KYAT1: variants seen among roughly 807,000 people sequenced by gnomAD.
The protein encoded by KYAT1 is kynurenine--oxoglutarate transaminase 1.
A neutral mutation model predicts 52.4 loss-of-function variants in KYAT1; 47 were observed. The observed-to-expected ratio is 0.90, with a 90% confidence interval of 0.71 to 1.14. The LOEUF (loss-of-function observed/expected upper bound fraction) is 1.14. Ranked by LOEUF, KYAT1 falls within the 50% of genes most tolerant of loss-of-function variation. KYAT1 has a pLI of 0.00. For missense variants in KYAT1, 480 were observed against 557.9 expected, an observed-to-expected ratio of 0.86 and a Z score of 1.41; for synonymous variants, 212 against 209.6, an observed-to-expected ratio of 1.01 and a Z score of -0.10.
chr9:128,866,050 T>C (rs969498559), intron 1 of KYAT1, among the ~76,000 whole-genome samples: 5 of 152,216 alleles, frequency 3.3e-5, no homozygotes, highest in African/African-American at 1.2e-4. Context: ...GCCTGCCATA[T>C]GGTAAGTGTA....
chr9:128,865,552 G>A (rs1588138147), intron 1 of KYAT1, among the ~76,000 whole-genome samples: 1 of 150,272 alleles, frequency 6.7e-6, no homozygotes, highest in Non-Finnish European at 1.5e-5. Context: ...AGTAGAGGTG[G>A]GGTTTCACTA....
chr9:128,850,639 C>T (rs535534871), intron 1 of KYAT1, among the ~76,000 whole-genome samples: 2 of 152,288 alleles, frequency 1.3e-5, no homozygotes, highest in East Asian at 1.9e-4. Flanking sequence ...TGAGAAAGAC[C>T]TGACCGTCCC....
intron 1 of KYAT1, among the ~76,000 whole-genome samples, chr9:128,849,522 G>A (rs564504934): frequency 5.9e-5 from 9 of 151,824 alleles, no homozygotes; most frequent in East Asian, 1.9e-4. Context: ...GGGGCCAGGC[G>A]TGGCAGCTTA....
intron 6 of KYAT1, 58 bp downstream of exon 6, chr9:128,837,627 C>G (rs977324098): frequency 1.3e-6 from 2 of 1,595,008 alleles, no homozygotes; most frequent in Non-Finnish European, 1.7e-6. Flanking sequence ...AACTCAGTAA[C>G]AGTGCAGGAG....
chr9:128,842,734 G>C lies in KYAT1; in HGVS notation c.121C>G (p.Pro41Ala). The change falls in exon 3 of 13, where the codon CCA (proline) becomes GCA (alanine). Residue 41 changes from proline (P) to alanine (A), a missense_variant. Physicochemically the swap from Pro to Ala is conservative, Grantham distance 27 (BLOSUM62 -1). Coordinates refer to ENST00000302586, the MANE Select transcript of KYAT1 (RefSeq NM_004059.5). ...GCTTCCACGGCAAAGTCTGGTGGTG[G>C]GAAATCCGGGAAGCCCTGGCCCAAG... is the stretch of plus-strand genomic sequence containing the variant. ...VNLGQGFPDF[P>A]PPDFAVEAFQ... 3 of 1,614,184 alleles carry C rather than the reference G, an allele frequency of 1.9e-6. No individual in the cohort carries two copies. Among genetic ancestry groups the C allele is most frequent in the Non-Finnish European group, 1.7e-6 (2 of 1,180,024 alleles).
intron 1 of KYAT1, among the ~76,000 whole-genome samples, chr9:128,854,688 AT>A (rs1406865119): frequency 6.6e-6 from 1 of 152,202 alleles, no homozygotes; most frequent in East Asian, 1.9e-4. Context: ...GCTGCAGCTA[AT>A]TATACTTACT....
intron 11 of KYAT1, among the ~76,000 whole-genome samples, chr9:128,834,827 G>A (rs1192870389): frequency 5.8e-5 from 4 of 68,508 alleles, no homozygotes; most frequent in East Asian, 9.5e-4. Context: ...GTGAGACTCT[G>A]TCTCAAAAAA....
At chr9:128,837,937 A>G in intron 5 of KYAT1, 114 bp downstream of exon 5, 2 of 1,485,928 alleles carry the variant, frequency 1.3e-6, no homozygotes, top group Non-Finnish European at 1.9e-6. Context: ...CTGCCCTCCC[A>G]GCTTAGAGGA....
intron 1 of KYAT1, among the ~76,000 whole-genome samples, chr9:128,866,649 C>T (rs541120777): frequency 1.3e-5 from 2 of 150,530 alleles, no homozygotes; most frequent in African/African-American, 4.9e-5. Context: ...GTGGCTCATG[C>T]CTGTAATCCC....
intron 1 of KYAT1, among the ~76,000 whole-genome samples, chr9:128,858,395 TAAAAAAA>T (rs59939090): frequency 1.5e-5 from 1 of 65,108 alleles, no homozygotes; most frequent in East Asian, 5.3e-4. Context: ...AGACCATGTA[TAAAAAAA>T]AAAAAAAAAA....
At chr9:128,874,530 T>C (rs2130822718) in intron 1 of KYAT1, among the ~76,000 whole-genome samples, 1 of 151,800 alleles carries the variant, frequency 6.6e-6, no homozygotes, top group African/African-American at 2.4e-5. Context: ...AGGCTGATGT[T>C]GAACTCCTGG....
intron 1 of KYAT1, among the ~76,000 whole-genome samples, chr9:128,856,419 T>C (rs542145026): frequency 3.2e-4 from 49 of 152,256 alleles, no homozygotes; most frequent in African/African-American, 1.2e-3. Flanking sequence ...CCATAATGAC[T>C]ATGGCGGTTT....
intron 3 of KYAT1, among the ~76,000 whole-genome samples, chr9:128,840,922 C>T (rs1051131873): frequency 6.6e-6 from 1 of 152,174 alleles, no homozygotes; most frequent in Admixed American, 6.5e-5. Flanking sequence ...AGGAATTTAT[C>T]TTAGAGAAAT....
intron 1 of KYAT1, among the ~76,000 whole-genome samples, chr9:128,873,569 T>A (rs992847552): frequency 9.9e-5 from 15 of 151,748 alleles, no homozygotes; most frequent in Non-Finnish European, 4.4e-5. Context: ...GTCAGGAGTT[T>A]GAGACCAGGC....
At chr9:128,848,791 A>G (rs575506050) in intron 1 of KYAT1, among the ~76,000 whole-genome samples, 1 of 147,408 alleles carries the variant, frequency 6.8e-6, no homozygotes, top group Non-Finnish European at 1.5e-5. Flanking sequence ...ACTGCACTCC[A>G]GCCTGGGTGA....
At position 128,872,514 on chromosome 9, in the gene KYAT1, T is replaced by C. The variant is rs7020166; in HGVS notation, c.-7+9383A>G. ...CAGGCGCAGTGGCTCATGCCTGTAA[T>C]CCCAGCACTTTGGGAGGCCGAGGTG... On this transcript the variant is annotated intron_variant, in intron 1 of 12. Transcript: ENST00000302586. Among the ~76,000 whole-genome samples the C allele has an allele frequency of 7.4e-3, 1,117 of 151,560 alleles. 8 individuals are homozygous for C. Among genetic ancestry groups the C allele is most frequent in the African/African-American group, 0.019 (791 of 41,242 alleles).
At chr9:128,879,372 C>G (rs116829551) in intron 1 of KYAT1, among the ~76,000 whole-genome samples, 3,094 of 152,160 alleles carry the variant, frequency 0.02, 111 homozygotes, top group African/African-American at 0.07. Context: ...GATGTGGCCC[C>G]AGGTCTGTTC....
Position 128,833,298 on chromosome 9 carries a change from GC to G in KYAT1, c.*285del. ...TGGTGGAAGTCTACCGTCCGTCTCA[GC>G]CAAGCCTGGAGAGACCAGAAGCAAC... On this transcript the variant is annotated 3_prime_UTR_variant, in exon 13 of 13. Coordinates refer to ENST00000302586, the MANE Select transcript of KYAT1 (RefSeq NM_004059.5). 3.6e-6 allele frequency: 2 copies of G among 558,922 alleles called. No homozygotes were observed. Among genetic ancestry groups the G allele is most frequent in the Non-Finnish European group, 6.4e-6 (2 of 312,194 alleles). 34.6% of individuals were successfully genotyped at this position (558,922 alleles called of 1,614,324 possible). A position where few individuals can be genotyped will look rare whatever the true frequency, so the allele number is the denominator to read the frequency against.
At chr9:128,836,487 C>G (rs534108458) in intron 7 of KYAT1, among the ~76,000 whole-genome samples, 2 of 152,066 alleles carry the variant, frequency 1.3e-5, no homozygotes, top group African/African-American at 2.4e-5. Flanking sequence ...TTAGTACAGA[C>G]AGGGTTTCAC....
Sources: gnomAD v4.1 joint callset for allele counts (sites outside exome capture counted in the v4.1 genomes callset) on GRCh38, gnomAD v4.1.1 for gene constraint, MANE v1.5 for transcripts, NCBI Gene and HGNC (gene_info 2026-07-23, HGNC 2026-07-21) for gene names.